RAB3IP: variants seen among roughly 807,000 people sequenced by gnomAD.
RAB3IP encodes rab-3A-interacting protein.
A neutral mutation model predicts 59.1 loss-of-function variants in RAB3IP; 36 were observed. The ratio of observed to expected loss-of-function variants is 0.61; its 90% confidence interval spans 0.47 to 0.80. The LOEUF is 0.80. Ranked by LOEUF, RAB3IP falls within the 30% of genes least tolerant of loss-of-function variation. The pLI is 0.00. For missense variants in RAB3IP, 511 were observed against 536.0 expected, an observed-to-expected ratio of 0.95 and a Z score of 0.46; for synonymous variants, 207 against 191.2, an observed-to-expected ratio of 1.08 and a Z score of -0.68.
chr12:69,801,524 A>G, intron 7 of RAB3IP, 85 bp from the exon 8 acceptor site: 1 of 674,316 alleles, frequency 1.5e-6, no homozygotes, highest in Non-Finnish European at 2.3e-6. Context: ...GGAGAAGAAT[A>G]ATTTATAAAA....
At chr12:69,753,524 T>G (rs1309630175) in intron 1 of RAB3IP, among the ~76,000 whole-genome samples, 2 of 152,120 alleles carry the variant, frequency 1.3e-5, no homozygotes, top group Non-Finnish European at 2.9e-5. Context: ...AATTTTTGTA[T>G]TTTTAGTAGA....
intron 1 of RAB3IP, chr12:69,739,711 G>A: frequency 1.2e-6 from 1 of 852,270 alleles, no homozygotes. Flanking sequence ...GAGACGAACT[G>A]CACGGGTGGG....
In RAB3IP at chr12:69,766,115, A is replaced by T. The variant is rs187291233; in HGVS notation, c.510+9452A>T. Among the ~76,000 whole-genome samples, 525 of 152,332 alleles carry T rather than the reference A, an allele frequency of 3.4e-3. 3 individuals are homozygous for T. Among genetic ancestry groups the T allele is most frequent in the African/African-American group, 0.012 (498 of 41,584 alleles). On this transcript the variant is annotated intron_variant, in intron 3 of 10. Coordinates refer to ENST00000247833, the MANE Select transcript of RAB3IP (RefSeq NM_022456.5). Reference sequence around the variant, plus strand: ...GTTGTGTTTTGCATTGACCTTGGACAGTCTGGTGACTATGTCCTGTGACGA... The same window carrying T: ...GTTGTGTTTTGCATTGACCTTGGACTGTCTGGTGACTATGTCCTGTGACGA...
At chr12:69,740,048 T>C (rs1887157382) in intron 1 of RAB3IP, among the ~76,000 whole-genome samples, 1 of 152,166 alleles carries the variant, frequency 6.6e-6, no homozygotes, top group Non-Finnish European at 1.5e-5. Context: ...GTGGAATGAT[T>C]GCATAATTGG....
In RAB3IP at chr12:69,751,740, A is replaced by G. The variant is rs117225449; in HGVS notation, c.-25-3644A>G. Among the ~76,000 whole-genome samples, 1,304 of 152,174 alleles carry G rather than the reference A, an allele frequency of 8.6e-3. 8 individuals are homozygous for G. Among genetic ancestry groups the G allele is most frequent in the Non-Finnish European group, 0.013 (858 of 67,998 alleles). ...TTTTAGAATACATTCCATTAGGGAT[A>G]TATATTTATGTTGTTATGTTTTAAA... On this transcript the variant is annotated intron_variant, in intron 1 of 10. Coordinates refer to ENST00000247833, the MANE Select transcript of RAB3IP (RefSeq NM_022456.5).
chr12:69,805,047 C>G (rs1879027951), intron 8 of RAB3IP, among the ~76,000 whole-genome samples: 1 of 152,128 alleles, frequency 6.6e-6, no homozygotes, highest in African/African-American at 2.4e-5. Context: ...TTGTTGGTAG[C>G]TTGATGGGGA....
At chr12:69,772,140 T>C (rs1360837139) in intron 3 of RAB3IP, among the ~76,000 whole-genome samples, 1 of 152,150 alleles carries the variant, frequency 6.6e-6, no homozygotes, top group Non-Finnish European at 1.5e-5. Context: ...TATATCCTCT[T>C]TATTGGCCCC....
At chr12:69,789,460 G>A (rs1185319758) in intron 4 of RAB3IP, among the ~76,000 whole-genome samples, 2 of 151,944 alleles carry the variant, frequency 1.3e-5, no homozygotes, top group African/African-American at 2.4e-5. Context: ...TCAAGAAGTA[G>A]AAACAAAAAA....
intron 1 of RAB3IP, among the ~76,000 whole-genome samples, chr12:69,746,664 T>C (rs148211152): frequency 4.3e-4 from 65 of 152,338 alleles, no homozygotes; most frequent in African/African-American, 1.5e-3. Context: ...CACATATATG[T>C]ATGAAATAAA....
At chr12:69,762,234 C>T (rs1341437314) in intron 3 of RAB3IP, among the ~76,000 whole-genome samples, 2 of 152,126 alleles carry the variant, frequency 1.3e-5, no homozygotes, top group African/African-American at 2.4e-5. Flanking sequence ...AGCTGTTTGG[C>T]CTTCCATAGG....
In RAB3IP at chr12:69,786,079, G is replaced by T. The variant is rs191994403; in HGVS notation, c.606+1264G>T. On this transcript the variant is annotated intron_variant, in intron 4 of 10. Coordinates refer to ENST00000247833, the MANE Select transcript of RAB3IP (RefSeq NM_022456.5). ...AACTTTTATTATAATAAACTTGGGG[G>T]GGTGGAAATTCCATCACCTTTTGTT... is the stretch of plus-strand genomic sequence containing the variant. Among the ~76,000 whole-genome samples the T allele has an allele frequency of 3.7e-3, 568 of 152,184 alleles. 3 individuals carry two copies. The highest frequency in any genetic ancestry group is 0.013 in the African/African-American group (539 of 41,540).
chr12:69,797,670 C>G (rs1877713396), intron 6 of RAB3IP, among the ~76,000 whole-genome samples: 1 of 151,504 alleles, frequency 6.6e-6, no homozygotes, highest in Admixed American at 6.6e-5. Context: ...CTATCCCTAC[C>G]CCATCCCCCC....
chr12:69,739,981 G>A, intron 1 of RAB3IP: 1 of 968,546 alleles, frequency 1.0e-6, no homozygotes, highest in Non-Finnish European at 1.6e-6. Context: ...ACACTCTCCT[G>A]TTTCACCCCA....
In RAB3IP at chr12:69,822,646, G is replaced by A. The variant is rs1165995733; in HGVS notation, c.*7200G>A. 2 of 152,110 alleles carry A rather than the reference G, an allele frequency of 1.3e-5. No individual in the cohort carries two copies. The highest frequency in any genetic ancestry group is 2.4e-5 in the African/African-American group (1 of 41,398). The allele number at this position is 152,110 out of a possible 1,614,324, so 9.4% of individuals were successfully genotyped here. A position where few individuals can be genotyped will look rare whatever the true frequency, so the allele number is the denominator to read the frequency against. ...GGGTAAATACAGTTAATAATTTATT[G>A]TATATTTCACAATAAAGGAGTGGAT... On this transcript the variant is annotated 3_prime_UTR_variant, in exon 11 of 11. Transcript: ENST00000247833.
chr12:69,803,751 GGTT>G (rs1284630959), intron 8 of RAB3IP, among the ~76,000 whole-genome samples: 1 of 151,938 alleles, frequency 6.6e-6, no homozygotes, highest in Non-Finnish European at 1.5e-5. Context: ...TGCGGTGTTT[GGTT>G]TTTTTGTCCT....
chr12:69,754,160 T>C lies in RAB3IP; in HGVS notation c.-25-1224T>C, dbSNP rs137918917. Among the ~76,000 whole-genome samples the C allele has an allele frequency of 4.4e-3, 669 of 152,268 alleles. 4 individuals are homozygous for C. Among genetic ancestry groups the C allele is most frequent in the African/African-American group, 0.016 (647 of 41,548 alleles). On this transcript the variant is annotated intron_variant, in intron 1 of 10. Transcript: ENST00000247833. ...TAAGGCTTATAGAAATGAAACACAT[T>C]ATCCAGGATTGGATCCTGTACATAT...
intron 3 of RAB3IP, among the ~76,000 whole-genome samples, chr12:69,762,044 A>G (rs1194282337): frequency 6.6e-6 from 1 of 152,224 alleles, no homozygotes; most frequent in Non-Finnish European, 1.5e-5. Context: ...ACTTTTGCTC[A>G]CATTCTATTG....
rs1441809279 is a variant in RAB3IP at position 69,755,562 on chromosome 12, C to A, written c.154C>A (p.Pro52Thr). The A allele has an allele frequency of 6.2e-7, 1 of 1,613,896 alleles. No homozygotes were observed. Among genetic ancestry groups the A allele is most frequent in the Admixed American group, 1.7e-5 (1 of 59,970 alleles). The change falls in exon 2 of 11, where the codon CCT becomes ACT. Residue 52 changes from proline (P) to threonine (T), a missense_variant. By Grantham distance (38) the Pro-to-Thr change is conservative. Coordinates refer to ENST00000247833, the MANE Select transcript of RAB3IP (RefSeq NM_022456.5). ...ACACCCTTCAGCTTTATCCTCTGTA[C>A]CTATCCAGGCAAATGCATTAGATGT... ...RPHPSALSSV[P>T]IQANALDVSE...
At chr12:69,757,920 C>A (rs1162842731) in intron 3 of RAB3IP, among the ~76,000 whole-genome samples, 2 of 152,144 alleles carry the variant, frequency 1.3e-5, no homozygotes, top group Admixed American at 6.5e-5. Flanking sequence ...TTTCTTAGCT[C>A]ACTTGAGAAT....
Sources: allele counts gnomAD v4.1 joint callset (sites outside exome capture counted in the v4.1 genomes callset), GRCh38; gene constraint gnomAD v4.1.1; transcripts MANE v1.5; gene names NCBI Gene and HGNC (gene_info 2026-07-23, HGNC 2026-07-21).